The following SAMD5 variants were observed in gnomAD, a reference collection of about 807,000 sequenced individuals.
The protein encoded by SAMD5 is sterile alpha motif domain-containing protein 5.
A neutral mutation model predicts 11.3 loss-of-function variants in SAMD5; 13 were observed. That is an observed-to-expected ratio of 1.15 (90% confidence interval 0.75 to 1.83). SAMD5 has a LOEUF of 1.83. Among genes scored for constraint, SAMD5 ranks in the 40% most tolerant of loss-of-function variants. The pLI, the probability that SAMD5 is intolerant of heterozygous loss-of-function variation, is 0.00. For synonymous variants in SAMD5, 129 were observed against 111.3 expected, an observed-to-expected ratio of 1.16 and a Z score of -1.00; for missense variants, 255 against 239.1, an observed-to-expected ratio of 1.07 and a Z score of -0.44.
intron 1 of SAMD5, among the ~76,000 whole-genome samples, chr6:147,697,156 C>T (rs1434315853): frequency 6.6e-6 from 1 of 152,184 alleles, no homozygotes; most frequent in Non-Finnish European, 1.5e-5. Context: ...GGTCCTGCTG[C>T]TGCCCGCTGA....
At chr6:147,909,038 G>A in the SAMD5 span, among the ~76,000 whole-genome samples, 1 of 152,154 alleles carries the variant, frequency 6.6e-6, no homozygotes, top group Non-Finnish European at 1.5e-5. Context: ...GAGAGACTAT[G>A]TCTCTACAAA....
chr6:147,753,593 G>A, the SAMD5 span, among the ~76,000 whole-genome samples: 1 of 152,010 alleles, frequency 6.6e-6, no homozygotes, highest in Non-Finnish European at 1.5e-5. Flanking sequence ...TCATTTTAAA[G>A]TGTACAATTA....
At chr6:147,693,149 A>T (rs1386476804) in intron 1 of SAMD5, among the ~76,000 whole-genome samples, 2 of 152,244 alleles carry the variant, frequency 1.3e-5, no homozygotes, top group African/African-American at 2.4e-5. Flanking sequence ...TGAGAGCACG[A>T]GCACCTGTCT....
At chr6:147,710,440 A>G (rs1159597335) in intron 1 of SAMD5, among the ~76,000 whole-genome samples, 1 of 152,208 alleles carries the variant, frequency 6.6e-6, no homozygotes, top group African/African-American at 2.4e-5. Flanking sequence ...GGTGAAATCT[A>G]ACCCTGTCTG....
intron 1 of SAMD5, among the ~76,000 whole-genome samples, chr6:147,575,937 A>G (rs1264908239): frequency 6.6e-6 from 1 of 152,022 alleles, no homozygotes; most frequent in Admixed American, 6.6e-5. Context: ...TTATTTTATT[A>G]TTTTAATTTT....
At chr6:147,846,625 G>C in the SAMD5 span, among the ~76,000 whole-genome samples, 21 of 152,308 alleles carry the variant, frequency 1.4e-4, no homozygotes, top group African/African-American at 4.6e-4. Flanking sequence ...TTTGATACCA[G>C]CCTGGCCAAC....
chr6:147,923,910 T>C, the SAMD5 span, among the ~76,000 whole-genome samples: 1 of 152,214 alleles, frequency 6.6e-6, no homozygotes, highest in Admixed American at 6.5e-5. Flanking sequence ...AGTCTTTCTT[T>C]GCTAGCAGGA....
At position 147,509,345 on chromosome 6, in the gene SAMD5, C is replaced by T. The variant is rs1473320911; in HGVS notation, c.417C>T (p.Val139=). The change falls in exon 1 of 2, where the codon GTC becomes GTT. Residue 139 remains valine, a synonymous_variant. Transcript: ENST00000367474. ...AGATCATGATCAGGGATAAGCTCGT[C>T]CGTGACGGCATCCACCTGAGCAAGC... is the stretch of plus-strand genomic sequence containing the variant. ...KLKIMIRDKL[V]RDGIHLSKPP... The T allele has an allele frequency of 1.3e-6, 2 of 1,579,086 alleles. No homozygotes were observed. The highest frequency in any genetic ancestry group is 1.2e-5 in the South Asian group (1 of 86,044).
chr6:147,544,106 T>A lies in SAMD5; in HGVS notation c.460-20288T>A, dbSNP rs116656721. Among the ~76,000 whole-genome samples, 501 of 152,298 alleles carry A rather than the reference T, an allele frequency of 3.3e-3. 2 individuals are homozygous for A. Among genetic ancestry groups the A allele is most frequent in the African/African-American group, 0.011 (466 of 41,574 alleles). On this transcript the variant is annotated intron_variant, in intron 1 of 1. Coordinates refer to ENST00000367474, the MANE Select transcript of SAMD5 (RefSeq NM_001030060.3). ...TGGGCTTGCAGGGCTGTAACCCCCA[T>A]TGTGGACAACAGACAAGTTAATGTC...
At chr6:147,715,378 C>T (rs964727926) in intron 1 of SAMD5, among the ~76,000 whole-genome samples, 4 of 152,242 alleles carry the variant, frequency 2.6e-5, no homozygotes, top group African/African-American at 7.2e-5. Context: ...TGCCGGCTCC[C>T]TCTGAGGCTG....
the SAMD5 span, among the ~76,000 whole-genome samples, chr6:147,842,559 T>A: frequency 0.2 from 30,067 of 151,748 alleles, 3,891 homozygotes; most frequent in African/African-American, 0.36. Context: ...CCATACGAAA[T>A]AAATCAATTT....
the SAMD5 span, among the ~76,000 whole-genome samples, chr6:147,756,985 AT>A: frequency 1.3e-5 from 2 of 152,254 alleles, no homozygotes; most frequent in East Asian, 1.9e-4. Flanking sequence ...CTCCACATTA[AT>A]TTTTTACTTT....
chr6:147,884,065 GTTTTGT>G, the SAMD5 span, among the ~76,000 whole-genome samples: 2 of 152,094 alleles, frequency 1.3e-5, no homozygotes, highest in African/African-American at 2.4e-5. Context: ...TCGTTTTTGG[GTTTTGT>G]TTTTGTTTTT....
chr6:147,670,866 T>C (rs138084525), intron 1 of SAMD5, among the ~76,000 whole-genome samples: 9 of 152,380 alleles, frequency 5.9e-5, no homozygotes, highest in South Asian at 2.1e-4. Flanking sequence ...ACTTTACATT[T>C]CCTTTAAAAA....
At chr6:147,857,692 T>C in the SAMD5 span, among the ~76,000 whole-genome samples, 1 of 149,390 alleles carries the variant, frequency 6.7e-6, no homozygotes, top group African/African-American at 2.6e-5. Context: ...TTCTTCTTTT[T>C]TTTCTTTCAT....
At chr6:147,828,059 T>G in the SAMD5 span, among the ~76,000 whole-genome samples, 1 of 152,132 alleles carries the variant, frequency 6.6e-6, no homozygotes, top group South Asian at 2.1e-4. Flanking sequence ...GTGCTGGGAT[T>G]ACAGGCGTGA....
At chr6:147,697,778 T>C (rs1299615876) in intron 1 of SAMD5, among the ~76,000 whole-genome samples, 1 of 152,180 alleles carries the variant, frequency 6.6e-6, no homozygotes, top group Non-Finnish European at 1.5e-5. Context: ...TTTCAGTTCT[T>C]CTATACTTTA....
the SAMD5 span, among the ~76,000 whole-genome samples, chr6:147,910,101 G>T: frequency 6.6e-6 from 1 of 152,060 alleles, no homozygotes; most frequent in Admixed American, 6.5e-5. Flanking sequence ...CCATTTCCCA[G>T]TCTGGTAAGA....
At chr6:147,605,054 C>G (rs1441744886) in intron 1 of SAMD5, among the ~76,000 whole-genome samples, 1 of 152,206 alleles carries the variant, frequency 6.6e-6, no homozygotes, top group African/African-American at 2.4e-5. Context: ...TTCTCTGACA[C>G]TGTCTTCTGT....
Sources: allele counts gnomAD v4.1 joint callset (sites outside exome capture counted in the v4.1 genomes callset), GRCh38; gene constraint gnomAD v4.1.1; transcripts MANE v1.5; gene names NCBI Gene and HGNC (gene_info 2026-07-23, HGNC 2026-07-21).